Variants in GRAMD1B observed in about 807,000 individuals in gnomAD.
The protein encoded by GRAMD1B is protein Aster-B.
Under a neutral mutation model 99.7 loss-of-function variants are expected in GRAMD1B, and 37 were observed. The observed-to-expected ratio is 0.37, with a 90% CI of 0.29 to 0.49. GRAMD1B has a LOEUF of 0.49. Among genes scored for constraint, GRAMD1B ranks in the 20% least tolerant of loss-of-function variants. The pLI is 0.98. For missense variants in GRAMD1B, 888 were observed against 1,009.2 expected, an observed-to-expected ratio of 0.88 and a Z score of 1.63; for synonymous variants, 427 against 387.6, an observed-to-expected ratio of 1.10 and a Z score of -1.19.
intron 2 of GRAMD1B, among the ~76,000 whole-genome samples, chr11:123,542,618 C>A (rs144661768): frequency 1.3e-5 from 2 of 152,236 alleles, no homozygotes; most frequent in Admixed American, 6.5e-5. Flanking sequence ...TCATTCTATG[C>A]GGAGAGAATG....
At chr11:123,548,315 T>TAC (rs1468638521) in intron 2 of GRAMD1B, among the ~76,000 whole-genome samples, 13 of 91,188 alleles carry the variant, frequency 1.4e-4, no homozygotes, top group Admixed American at 4.5e-4. Flanking sequence ...TATATATATA[T>TAC]ATATATATAT....
chr11:123,561,224 G>A (rs1175506367), intron 2 of GRAMD1B, among the ~76,000 whole-genome samples: 1 of 152,172 alleles, frequency 6.6e-6, no homozygotes, highest in Non-Finnish European at 1.5e-5. Context: ...AGCTTCTGGG[G>A]GAGGTGTGGA....
chr11:123,471,786 C>G (rs1951026965), intron 1 of GRAMD1B, among the ~76,000 whole-genome samples: 1 of 152,108 alleles, frequency 6.6e-6, no homozygotes, highest in Non-Finnish European at 1.5e-5. Flanking sequence ...GGTTGCCCCC[C>G]AGAATCATTT....
chr11:123,390,422 C>G (rs570635832), intron 1 of GRAMD1B, among the ~76,000 whole-genome samples: 1 of 152,338 alleles, frequency 6.6e-6, no homozygotes, highest in Non-Finnish European at 1.5e-5. Context: ...TTGAATCCCT[C>G]TTCTCCTCAT....
In GRAMD1B at chr11:123,591,266, G is replaced by GCA; in HGVS notation, c.685-2815_685-2814insAC. On this transcript the variant is annotated intron_variant, in intron 4 of 19. Coordinates refer to ENST00000635736, the MANE Select transcript of GRAMD1B (RefSeq NM_001387025.1). This position sits in a 1 kb window ranked among gnomAD's most constrained non-coding sequence, Gnocchi z 4.7. ...CCTGTCAGAGTCACACAGGCCCTCTGCTGAGAAACCAGAGGCCACCCATCC... is the reference window on the plus strand; with the variant it reads ...CCTGTCAGAGTCACACAGGCCCTCTGCACTGAGAAACCAGAGGCCACCCATCC... 2.5e-6 allele frequency: 1 copy of GCA among 396,828 alleles called. No individual in the cohort carries two copies. The allele number at this position is 396,828 out of a possible 1,614,324, so 24.6% of individuals were successfully genotyped here. A position where few individuals can be genotyped will look rare whatever the true frequency, so the allele number is the denominator to read the frequency against.
At chr11:123,456,758 A>C (rs749732463) in intron 1 of GRAMD1B, among the ~76,000 whole-genome samples, 22 of 151,812 alleles carry the variant, frequency 1.4e-4, no homozygotes, top group Non-Finnish European at 2.2e-4. Flanking sequence ...CGTCTCTACT[A>C]AATATACAAA....
At chr11:123,542,986 T>A (rs201635247) in intron 2 of GRAMD1B, among the ~76,000 whole-genome samples, 12 of 141,872 alleles carry the variant, frequency 8.5e-5, no homozygotes, top group African/African-American at 1.8e-4. Flanking sequence ...TTTTTTTTTT[T>A]AAATTGAAAC....
rs192997595 is a variant in GRAMD1B at position 123,567,748 on chromosome 11, C to T, written c.453-9619C>T. On this transcript the variant is annotated intron_variant, in intron 2 of 19. Transcript: ENST00000635736. The stretch of plus-strand genomic sequence containing the variant: ...GAGTGGGATGGATGGAGACTCCAGC[C>T]ATGGTGATGAAGGACCTCTTCTCCT... Among the ~76,000 whole-genome samples, 812 of 152,268 alleles carry T rather than the reference C, an allele frequency of 5.3e-3. 12 individuals are homozygous for T. The highest frequency in any genetic ancestry group is 0.019 in the African/African-American group (790 of 41,550).
chr11:123,552,273 C>CTTTTTTTTTTTTTTTTTTTT (rs71060514), intron 2 of GRAMD1B, among the ~76,000 whole-genome samples: 15 of 119,336 alleles, frequency 1.3e-4, no homozygotes, highest in East Asian at 2.4e-4. Context: ...CTCTTTCTTT[C>CTTTTTTTTTTTTTTTTTTTT]TTTTTTTTTT....
chr11:123,469,129 T>C (rs1257182760), intron 1 of GRAMD1B, among the ~76,000 whole-genome samples: 6 of 151,668 alleles, frequency 4.0e-5, no homozygotes, highest in Admixed American at 3.9e-4. Context: ...CAGAGGCAAG[T>C]AGAAGGGCTG....
At position 123,365,247 on chromosome 11, in the gene GRAMD1B, T is replaced by A. The variant is rs376113978; in HGVS notation, c.-176+6448T>A. On this transcript the variant is annotated intron_variant, in intron 1 of 20. Transcript: ENST00000638157. Reference sequence around the variant, plus strand: ...TGTAGATTCTACCCTACATTTTCTTTCTTTCTTTTCTTCTTTTTTTTTTTA... The same window carrying A: ...TGTAGATTCTACCCTACATTTTCTTACTTTCTTTTCTTCTTTTTTTTTTTA... Among the ~76,000 whole-genome samples the A allele has an allele frequency of 1.5e-4, 21 of 141,816 alleles. No individual in the cohort carries two copies. The East Asian group carries it at 1.8e-3, about 12-fold the overall frequency. 93.0% of individuals were successfully genotyped at this position (141,816 alleles called of 152,430 possible).
chr11:123,475,580 T>C (rs1187300568), intron 1 of GRAMD1B, among the ~76,000 whole-genome samples: 2 of 152,258 alleles, frequency 1.3e-5, no homozygotes. Context: ...GGCAAGCAGT[T>C]GCTTATACAA....
rs1425676115 is a variant in GRAMD1B, at chr11:123,430,917, G to A, written c.125G>A (p.Arg42His). 1.4e-5 allele frequency: 10 copies of A among 702,600 alleles called. No individual in the cohort carries two copies. The highest frequency in any genetic ancestry group is 4.0e-5 in the Admixed American group (2 of 50,002). 43.5% of individuals were successfully genotyped at this position (702,600 alleles called of 1,614,324 possible). Reference sequence around the variant, plus strand: ...TCGACCCCCACGCTTCGCCGCCGGCGCTTCAAGATGCGCCGCATGAAGAAC... The same window carrying A: ...TCGACCCCCACGCTTCGCCGCCGGCACTTCAAGATGCGCCGCATGAAGAAC... ...SSSTPTLRRRRFKMRRMKNVQ... is the reference protein window; with the variant it reads ...SSSTPTLRRRHFKMRRMKNVQ... The change falls in exon 1 of 20, where the codon CGC becomes CAC. Residue 42 changes from arginine to histidine, a missense_variant. By Grantham distance (29) the Arg-to-His change is conservative (BLOSUM62 0). This residue lies in a region of GRAMD1B where 233 missense variants were observed against 154.6 expected (regional missense o/e 1.51). Coordinates refer to ENST00000635736, the MANE Select transcript of GRAMD1B (RefSeq NM_001387025.1).
At chr11:123,570,425 T>C (rs1592057908) in intron 2 of GRAMD1B, among the ~76,000 whole-genome samples, 2 of 122,328 alleles carry the variant, frequency 1.6e-5, no homozygotes, top group Non-Finnish European at 3.4e-5. Context: ...TCTTTTCTTT[T>C]TTTTTTTTTT....
upstream of GRAMD1B, among the ~76,000 whole-genome samples, chr11:123,426,353 C>A (rs1948649919): frequency 6.6e-6 from 1 of 152,198 alleles, no homozygotes. Context: ...AAATGTTTAT[C>A]ATCTATCCCA....
At chr11:123,448,025 T>A (rs978810576) in intron 1 of GRAMD1B, among the ~76,000 whole-genome samples, 3 of 147,160 alleles carry the variant, frequency 2.0e-5, no homozygotes, top group African/African-American at 7.8e-5. Flanking sequence ...TTCTTTTATA[T>A]ATGTATTTAA....
At chr11:123,531,938 T>G (rs1222543814) in intron 2 of GRAMD1B, among the ~76,000 whole-genome samples, 1 of 152,078 alleles carries the variant, frequency 6.6e-6, no homozygotes, top group Non-Finnish European at 1.5e-5. Flanking sequence ...GGTTTCTCTA[T>G]GTTGGTCAGT....
At chr11:123,617,907 CT>C (rs1954649624) in intron 17 of GRAMD1B, among the ~76,000 whole-genome samples, 1 of 152,128 alleles carries the variant, frequency 6.6e-6, no homozygotes, top group Non-Finnish European at 1.5e-5. Flanking sequence ...TCCCCTGTCT[CT>C]CACCAGTTCT....
chr11:123,442,865 C>G (rs188678194), intron 1 of GRAMD1B, among the ~76,000 whole-genome samples: 1 of 151,724 alleles, frequency 6.6e-6, no homozygotes. Context: ...ATGCCCCCCC[C>G]CACCCCTTTT....
Sources: gnomAD v4.1 joint callset for allele counts (sites outside exome capture counted in the v4.1 genomes callset) on GRCh38, gnomAD v4.1.1 for gene constraint, gnomAD v4.1.1 regional missense constraint, Gnocchi (gnomAD v3.1) non-coding constraint, MANE v1.5 for transcripts, NCBI Gene and HGNC (gene_info 2026-07-23, HGNC 2026-07-21) for gene names.